STK24: variants seen among roughly 807,000 people sequenced by gnomAD.
The protein encoded by STK24 is serine/threonine-protein kinase 24.
Under a neutral mutation model 55.6 loss-of-function variants are expected in STK24, and 21 were observed. That is an observed-to-expected ratio of 0.38 (90% CI 0.27 to 0.54). STK24 has a LOEUF of 0.54. Among genes scored for constraint, STK24 ranks in the 20% least tolerant of loss-of-function variants. STK24 has a pLI of 0.79. For synonymous variants in STK24, 200 were observed against 215.2 expected (o/e 0.93, Z 0.62); for missense variants, 383 against 538.4 (o/e 0.71, Z 2.86).
At chr13:98,556,256 G>A (rs547171856) in intron 1 of STK24, among the ~76,000 whole-genome samples, 11 of 152,330 alleles carry the variant, frequency 7.2e-5, no homozygotes, top group African/African-American at 1.9e-4. Context: ...ATGCTAGGAC[G>A]CTCAGCATTG....
intron 1 of STK24, among the ~76,000 whole-genome samples, chr13:98,535,336 T>C (rs558303109): frequency 9.4e-6 from 1 of 106,252 alleles, no homozygotes; most frequent in Non-Finnish European, 1.9e-5. Flanking sequence ...AAACTCTGTC[T>C]CAAACAAACA....
At chr13:98,506,053 ATTAAT>A (rs1412902110) in intron 2 of STK24, among the ~76,000 whole-genome samples, 2 of 152,246 alleles carry the variant, frequency 1.3e-5, no homozygotes, top group African/African-American at 2.4e-5. Context: ...TTACCTACAA[ATTAAT>A]TTACTTCTCT....
intron 1 of STK24, among the ~76,000 whole-genome samples, chr13:98,568,964 A>T (rs1464288195): frequency 6.6e-6 from 1 of 152,172 alleles, no homozygotes; most frequent in Admixed American, 6.5e-5. Flanking sequence ...CAGAAAATGG[A>T]AGGGGGGAGG....
chr13:98,576,187 A>T (rs1342587703), intron 1 of STK24: 1 of 985,156 alleles, frequency 1.0e-6, no homozygotes, highest in African/African-American at 1.7e-5. Flanking sequence ...AGCCACTGCA[A>T]GTGGAACTCG....
At chr13:98,503,517 C>T (rs1252730977) in intron 2 of STK24, among the ~76,000 whole-genome samples, 2 of 152,190 alleles carry the variant, frequency 1.3e-5, no homozygotes, top group Non-Finnish European at 2.9e-5. Context: ...TGCTCATTCA[C>T]ACAGTCTCCA....
At chr13:98,454,141 A>G (rs553096348) in intron 10 of STK24, 2 of 152,358 alleles carry the variant, frequency 1.3e-5, no homozygotes, top group African/African-American at 4.8e-5. Context: ...TCTTTGCACT[A>G]TAAGGTAGAT....
chr13:98,568,798 G>C (rs1453651164), intron 1 of STK24, among the ~76,000 whole-genome samples: 1 of 152,154 alleles, frequency 6.6e-6, no homozygotes, highest in Non-Finnish European at 1.5e-5. Context: ...AACCTGGGGG[G>C]GCAGATGTTG....
At chr13:98,474,497 G>A (rs776938617) in intron 5 of STK24, among the ~76,000 whole-genome samples, 21 of 151,822 alleles carry the variant, frequency 1.4e-4, no homozygotes, top group Admixed American at 7.2e-4. Flanking sequence ...AACCGCACAC[G>A]CCTCCACCCC....
intron 5 of STK24, among the ~76,000 whole-genome samples, chr13:98,469,268 G>A (rs1424271584): frequency 6.6e-6 from 1 of 152,184 alleles, no homozygotes. Context: ...AAACATGGGG[G>A]CCAGGCGCGG....
At chr13:98,541,121 A>T (rs2139419843) in intron 1 of STK24, among the ~76,000 whole-genome samples, 1 of 152,358 alleles carries the variant, frequency 6.6e-6, no homozygotes, top group South Asian at 2.1e-4. Flanking sequence ...GACTAAGAGA[A>T]GTTGCTCACT....
intron 2 of STK24, among the ~76,000 whole-genome samples, chr13:98,501,815 C>G (rs76037477): frequency 6.6e-6 from 1 of 152,176 alleles, no homozygotes; most frequent in Non-Finnish European, 1.5e-5. Flanking sequence ...CTCTCCGACA[C>G]GGCCCAAGGT....
chr13:98,534,213 C>T (rs1339092990), intron 1 of STK24, among the ~76,000 whole-genome samples: 3 of 152,220 alleles, frequency 2.0e-5, no homozygotes, highest in African/African-American at 7.2e-5. Flanking sequence ...GGGTACTTTT[C>T]TTCAACAGAA....
At chr13:98,541,589 C>G (rs1594654875) in intron 1 of STK24, among the ~76,000 whole-genome samples, 2 of 152,198 alleles carry the variant, frequency 1.3e-5, no homozygotes, top group African/African-American at 4.8e-5. Flanking sequence ...AGAGATATTT[C>G]TTATTTTTGA....
intron 1 of STK24, chr13:98,576,169 C>T: frequency 1.0e-6 from 1 of 985,326 alleles, no homozygotes; most frequent in African/African-American, 1.7e-5. Flanking sequence ...CACGGGGGCT[C>T]CGGGCAAAGC....
rs61249551 is a variant in STK24 at position 98,466,627 on chromosome 13, G to C, written c.598-66C>G. 7,929 of 1,518,570 alleles carry C rather than the reference G, an allele frequency of 5.2e-3. 333 individuals carry two copies. In the African/African-American group the frequency reaches 0.095, roughly 18 times the overall value. The allele number at this position is 1,518,570 out of a possible 1,614,324, so 94.1% of individuals were successfully genotyped here. On this transcript the variant is annotated intron_variant, in intron 5 of 10. Coordinates refer to ENST00000539966, the MANE Select transcript of STK24 (RefSeq NM_001032296.4). Reference sequence around the variant, plus strand: ...TCTATTCCAATACACAGTATTTAGGGGGAAAATGGTAACATGTCTCAATAC... The same window carrying C: ...TCTATTCCAATACACAGTATTTAGGCGGAAAATGGTAACATGTCTCAATAC...
chr13:98,545,209 A>G (rs918833889), intron 1 of STK24, among the ~76,000 whole-genome samples: 1 of 152,234 alleles, frequency 6.6e-6, no homozygotes, highest in Non-Finnish European at 1.5e-5. Context: ...ATGTGGAATG[A>G]GGTACACTGA....
Position 98,574,052 on chromosome 13 carries a change from C to G in STK24, c.42+2693G>C, listed in dbSNP as rs9582234. Among the ~76,000 whole-genome samples, 823 of 152,040 alleles carry G rather than the reference C, an allele frequency of 5.4e-3. 10 individuals are homozygous for G. The highest frequency in any genetic ancestry group is 0.019 in the African/African-American group (780 of 41,450). On this transcript the variant is annotated intron_variant, in intron 1 of 10. Transcript: ENST00000539966. Reference sequence around the variant, plus strand: ...TTTGAGACGGAGTCTGCCTCTGTCGCCCAGGCTGGGGTGCAACGGCACAAT... The same window carrying G: ...TTTGAGACGGAGTCTGCCTCTGTCGGCCAGGCTGGGGTGCAACGGCACAAT...
intron 2 of STK24, among the ~76,000 whole-genome samples, chr13:98,507,152 G>T (rs1253490287): frequency 6.6e-6 from 1 of 152,230 alleles, no homozygotes; most frequent in Non-Finnish European, 1.5e-5. Context: ...TAAAATGGCT[G>T]AACTATTGAA....
chr13:98,569,007 G>A (rs1013312514), intron 1 of STK24, among the ~76,000 whole-genome samples: 1 of 152,154 alleles, frequency 6.6e-6, no homozygotes, highest in Non-Finnish European at 1.5e-5. Context: ...GAAAAGATCT[G>A]AGTCGCTTCA....
Sources: gnomAD v4.1 joint callset for allele counts (sites outside exome capture counted in the v4.1 genomes callset) on GRCh38, gnomAD v4.1.1 for gene constraint, MANE v1.5 for transcripts, NCBI Gene and HGNC (gene_info 2026-07-23, HGNC 2026-07-21) for gene names.